The following BLTP3A variants were observed in gnomAD, a reference collection of about 807,000 sequenced individuals.
BLTP3A encodes the protein bridge-like lipid transfer protein family member 3A.
At chr6:34,853,976 C>T in the BLTP3A span, among the ~76,000 whole-genome samples, 22 of 152,264 alleles carry the variant, frequency 1.4e-4, no homozygotes, top group East Asian at 4.2e-3. Flanking sequence ...GTAATCCCTG[C>T]ACTTTGGGGG....
chr6:34,816,594 T>C, the BLTP3A span, among the ~76,000 whole-genome samples: 67,800 of 151,948 alleles, frequency 0.45, 17,167 homozygotes, highest in African/African-American at 0.7. Context: ...GCTTGGATGA[T>C]AGAGTGAGAC....
the BLTP3A span, among the ~76,000 whole-genome samples, chr6:34,839,823 C>T: frequency 6.6e-6 from 1 of 152,256 alleles, no homozygotes; most frequent in Non-Finnish European, 1.5e-5. Flanking sequence ...CTGGGCACAA[C>T]CCAGTTCCTG....
the BLTP3A span, among the ~76,000 whole-genome samples, chr6:34,825,571 T>C: frequency 6.6e-6 from 1 of 152,224 alleles, no homozygotes; most frequent in Non-Finnish European, 1.5e-5. Context: ...CCTCCCAAAG[T>C]GTGGGGATCA....
the BLTP3A span, among the ~76,000 whole-genome samples, chr6:34,796,386 G>A: frequency 6.6e-6 from 1 of 152,178 alleles, no homozygotes; most frequent in Non-Finnish European, 1.5e-5. Flanking sequence ...CACTAATCTG[G>A]GCACTGGAGA....
chr6:34,796,504 C>G, the BLTP3A span, among the ~76,000 whole-genome samples: 1 of 152,120 alleles, frequency 6.6e-6, no homozygotes, highest in Non-Finnish European at 1.5e-5. Flanking sequence ...TTAAATAGAC[C>G]TTGGAAGAAA....
the BLTP3A span, chr6:34,834,681 C>T: frequency 1.8e-5 from 28 of 1,598,876 alleles, no homozygotes; most frequent in Middle Eastern, 3.3e-4. Flanking sequence ...TGGTTAATTT[C>T]ATTCACAGGA....
the BLTP3A span, among the ~76,000 whole-genome samples, chr6:34,802,004 TG>T: frequency 6.6e-6 from 1 of 152,172 alleles, no homozygotes; most frequent in Non-Finnish European, 1.5e-5. Context: ...CCCCAAGTGC[TG>T]GGATTACAGG....
the BLTP3A span, chr6:34,872,691 T>G: frequency 3.1e-6 from 1 of 327,696 alleles, no homozygotes; most frequent in African/African-American, 2.1e-5. Flanking sequence ...ATGTCTTGCC[T>G]GTATAAAGCC....
At chr6:34,847,805 A>G in the BLTP3A span, among the ~76,000 whole-genome samples, 1 of 122,540 alleles carries the variant, frequency 8.2e-6, no homozygotes, top group African/African-American at 3.1e-5. Context: ...GATCTTTAGT[A>G]TTTATTATTA....
the BLTP3A span, among the ~76,000 whole-genome samples, chr6:34,853,957 C>T: frequency 6.6e-6 from 1 of 152,128 alleles, no homozygotes; most frequent in Non-Finnish European, 1.5e-5. Context: ...TGGCTTATCC[C>T]TGCAGTTTGT....
the BLTP3A span, among the ~76,000 whole-genome samples, chr6:34,839,747 C>T: frequency 3.3e-5 from 5 of 152,314 alleles, no homozygotes; most frequent in Non-Finnish European, 7.4e-5. Context: ...TCCGGGTGCT[C>T]GCATGCATAA....
At chr6:34,871,078 A>G in the BLTP3A span, 2 of 1,613,852 alleles carry the variant, frequency 1.2e-6, no homozygotes, top group East Asian at 2.2e-5. Flanking sequence ...GGTAGTCCCC[A>G]TGCAGATTGA....
At chr6:34,864,461 C>T in the BLTP3A span, among the ~76,000 whole-genome samples, 1 of 149,160 alleles carries the variant, frequency 6.7e-6, no homozygotes, top group Non-Finnish European at 1.5e-5. Context: ...GTCTTACAGC[C>T]TTATAGCTAA....
At chr6:34,796,355 A>T in the BLTP3A span, among the ~76,000 whole-genome samples, 1 of 152,220 alleles carries the variant, frequency 6.6e-6, no homozygotes, top group East Asian at 1.9e-4. Flanking sequence ...TGATTTTCTT[A>T]AATGCCTACC....
chr6:34,862,475 A>G, the BLTP3A span, among the ~76,000 whole-genome samples: 1 of 152,178 alleles, frequency 6.6e-6, no homozygotes, highest in African/African-American at 2.4e-5. Context: ...CATTTGCCAA[A>G]CTTTCAGGTT....
At chr6:34,867,231 GTCCAGAATCTGT>G in the BLTP3A span, 57 of 1,612,188 alleles carry the variant, frequency 3.5e-5, no homozygotes, top group Middle Eastern at 5.0e-4. Context: ...GCAGAGTCTG[GTCCAGAATCTGT>G]TCCACCAGGA....
the BLTP3A span, chr6:34,823,211 G>GTGTGTATT: frequency 6.8e-7 from 1 of 1,473,228 alleles, no homozygotes; most frequent in Non-Finnish European, 9.5e-7. Flanking sequence ...ATTGTGCTGT[G>GTGTGTATT]TGTGTATTTG....
the BLTP3A span, among the ~76,000 whole-genome samples, chr6:34,813,673 C>CT: frequency 2.6e-5 from 4 of 152,226 alleles, no homozygotes; most frequent in African/African-American, 7.2e-5. Context: ...AACACAAATG[C>CT]TTTTTTTCTG....
the BLTP3A span, chr6:34,821,576 T>G: frequency 7.3e-7 from 1 of 1,371,610 alleles, no homozygotes; most frequent in Non-Finnish European, 9.9e-7. Context: ...TTCTCTAGAT[T>G]CAGAAGTGTT....
Sources: allele counts gnomAD v4.1 joint callset (sites outside exome capture counted in the v4.1 genomes callset), GRCh38; gene constraint gnomAD v4.1.1; transcripts MANE v1.5; gene names NCBI Gene and HGNC (gene_info 2026-07-23, HGNC 2026-07-21).